Variants in CFAP46 observed in about 807,000 individuals in gnomAD.
CFAP46 encodes the protein cilia and flagella associated protein 46.
Under a neutral mutation model 325.7 loss-of-function variants are expected in CFAP46, and 245 were observed. The ratio of observed to expected loss-of-function variants is 0.75; its 90% CI spans 0.68 to 0.84. CFAP46 has a LOEUF of 0.84. Among genes scored for constraint, CFAP46 ranks in the 40% least tolerant of loss-of-function variants. The probability of loss-of-function intolerance (pLI) is 0.00; values close to 1 mark genes in which losing one functional copy is unlikely to be tolerated. For synonymous variants in CFAP46, 1,523 were observed against 1,495.9 expected, an observed-to-expected ratio of 1.02 and a Z score of -0.42; for missense variants, 3,346 against 3,543.0, an observed-to-expected ratio of 0.94 and a Z score of 1.41.
chr10:132,808,416 A>C lies in CFAP46; in HGVS notation c.*5T>G. ...CTGGCTTTTGTTGTTTGTTTAGTGG[A>C]ACACTCAAATCAAAAACAGGCTCAC... On this transcript the variant is annotated 3_prime_UTR_variant, in exon 58 of 58. Transcript: ENST00000368586. This position sits in a 1 kb window ranked among gnomAD's most constrained non-coding sequence, Gnocchi z 6.8. 1 of 1,597,602 alleles carries C rather than the reference A, an allele frequency of 6.3e-7. No homozygotes were observed. The highest frequency in any genetic ancestry group is 1.1e-5 in the South Asian group (1 of 90,548).
intron 22 of CFAP46, 170 bp downstream of exon 22, chr10:132,908,298 G>T: frequency 1.4e-6 from 1 of 731,928 alleles, no homozygotes; most frequent in Non-Finnish European, 2.2e-6. Context: ...TGGGGACCTG[G>T]TGGGGCGCTC....
intron 55 of CFAP46, 125 bp from the exon 56 acceptor site, chr10:132,811,156 C>G: frequency 1.3e-6 from 1 of 798,154 alleles, no homozygotes; most frequent in Non-Finnish European, 2.0e-6. Flanking sequence ...CACTCAGCTC[C>G]GGGCTCCGAC....
At chr10:132,855,243 C>T (rs1848623740) in intron 39 of CFAP46, among the ~76,000 whole-genome samples, 1 of 152,172 alleles carries the variant, frequency 6.6e-6, no homozygotes, top group African/African-American at 2.4e-5. Context: ...TTTATAGCCT[C>T]TTGACTGGTT....
chr10:132,879,764 G>C, intron 28 of CFAP46, 133 bp from the exon 29 acceptor site: 1 of 911,018 alleles, frequency 1.1e-6, no homozygotes, highest in Non-Finnish European at 1.6e-6. Context: ...CCACTCTGCT[G>C]AGGGCCGGCA....
rs1011335037 is a variant in CFAP46 at position 132,857,714 on chromosome 10, C to A, written c.5450G>T (p.Gly1817Val). 1.2e-6 allele frequency: 2 copies of A among 1,612,400 alleles called. No individual in the cohort carries two copies. Among genetic ancestry groups the A allele is most frequent in the Non-Finnish European group, 8.5e-7 (1 of 1,179,372 alleles). ...YYLEAYGLAQ[G>V]AVAEEEGRLH... ...CCTCCCTTCTTCCTCAGCTACGGCA[C>A]CCTGGGCCAGGCCATACGCTTCCAA... The change falls in exon 39 of 58, where the codon GGT (glycine) becomes GTT (valine). Residue 1817 changes from glycine (G) to valine (V), a missense_variant. By Grantham distance (109) the Gly-to-Val change is moderately radical. Transcript: ENST00000368586.
chr10:132,810,498 G>A lies in CFAP46; in HGVS notation c.7584-9C>T, dbSNP rs1565030101. The A allele has an allele frequency of 1.2e-5, 19 of 1,612,100 alleles. No individual in the cohort carries two copies. Among genetic ancestry groups the A allele is most frequent in the Non-Finnish European group, 1.4e-5 (16 of 1,178,774 alleles). On this transcript the variant is annotated splice_polypyrimidine_tract_variant and intron_variant, in intron 56 of 57. Transcript: ENST00000368586. ...CCCAACGGCCAACAGATCTAGGGGA[G>A]AAACGTCCCCTCAGGAGGGCATGGA...
At chr10:132,890,177 G>C (rs1405624720) in intron 25 of CFAP46, among the ~76,000 whole-genome samples, 4 of 151,720 alleles carry the variant, frequency 2.6e-5, no homozygotes, top group Non-Finnish European at 5.9e-5. Context: ...CCTCTGCCCG[G>C]GTCACATTCT....
intron 22 of CFAP46, among the ~76,000 whole-genome samples, chr10:132,903,933 A>T (rs1441055651): frequency 6.6e-6 from 1 of 152,206 alleles, no homozygotes; most frequent in Non-Finnish European, 1.5e-5. Flanking sequence ...ATTCCTTGAC[A>T]CTAATAGCAT....
At chr10:132,812,763 G>A in intron 55 of CFAP46, 22 bp downstream of exon 55, 2 of 1,551,928 alleles carry the variant, frequency 1.3e-6, no homozygotes, top group Non-Finnish European at 1.8e-6. Context: ...GGGGGAGGGG[G>A]TGCTGAGAGG....
intron 31 of CFAP46, among the ~76,000 whole-genome samples, chr10:132,875,683 G>C (rs115958182): frequency 0.014 from 2,114 of 152,254 alleles, 53 homozygotes; most frequent in African/African-American, 0.048. Flanking sequence ...CCATGCTTGA[G>C]GCTTGACCCC....
chr10:132,887,495 G>C (rs1257526074), intron 25 of CFAP46, among the ~76,000 whole-genome samples: 7 of 50,274 alleles, frequency 1.4e-4, no homozygotes, highest in Non-Finnish European at 1.1e-4. Flanking sequence ...CTCCCCTCTC[G>C]CCTATTTCCT....
chr10:132,942,343 T>C, intron 1 of CFAP46, 93 bp downstream of exon 1: 1 of 953,052 alleles, frequency 1.0e-6, no homozygotes, highest in South Asian at 2.0e-5. Flanking sequence ...TTGGGCGGGC[T>C]GGGATGAGAG....
At position 132,859,266 on chromosome 10, in the gene CFAP46, G is replaced by A. The variant is rs1564781628; in HGVS notation, c.5199-19C>T. On this transcript the variant is annotated intron_variant, in intron 37 of 57. Coordinates refer to ENST00000368586, the MANE Select transcript of CFAP46 (RefSeq NM_001200049.3). ...CAGGCACCTGACGGAGGGACGGTTTGGGGCCTGGAGTCAGAAGCCCCAGGG... is the reference window on the plus strand; with the variant it reads ...CAGGCACCTGACGGAGGGACGGTTTAGGGCCTGGAGTCAGAAGCCCCAGGG... 4 of 1,540,588 alleles carry A rather than the reference G, an allele frequency of 2.6e-6. No individual in the cohort carries two copies. Among genetic ancestry groups the A allele is most frequent in the Non-Finnish European group, 3.5e-6 (4 of 1,143,830 alleles).
At chr10:132,911,883 G>A (rs1849545417) in intron 19 of CFAP46, among the ~76,000 whole-genome samples, 1 of 152,040 alleles carries the variant, frequency 6.6e-6, no homozygotes, top group Non-Finnish European at 1.5e-5. Flanking sequence ...CTGAGGGGAG[G>A]CCTCACACCC....
In CFAP46 at chr10:132,941,021, T is replaced by C. The variant is rs375619306; in HGVS notation, c.346A>G (p.Ile116Val). 3.1e-6 allele frequency: 5 copies of C among 1,614,104 alleles called. No individual in the cohort carries two copies. Among genetic ancestry groups the C allele is most frequent in the South Asian group, 2.2e-5 (2 of 91,088 alleles). The change falls in exon 4 of 58, where the codon ATA (isoleucine) becomes GTA (valine). Residue 116 changes from isoleucine (I) to valine (V), a missense_variant. Ile to Val is a conservative substitution (Grantham distance 29). Coordinates refer to ENST00000368586, the MANE Select transcript of CFAP46 (RefSeq NM_001200049.3). ...ENCVTEYMKA[I>V]NFAKGEPRYY... ...CTCGGTTCTCCTTTGGCAAAGTTTA[T>C]GGCCTTCATGTACTCAGTCACGCAA...
intron 47 of CFAP46, 44 bp downstream of exon 47, chr10:132,835,260 G>GC: frequency 6.2e-7 from 1 of 1,601,994 alleles, no homozygotes; most frequent in Admixed American, 1.7e-5. Context: ...GGGGTGGGGA[G>GC]CAGAGGGTCC....
intron 41 of CFAP46, among the ~76,000 whole-genome samples, chr10:132,849,471 C>G (rs73391267): frequency 1.3e-5 from 2 of 152,232 alleles, no homozygotes; most frequent in African/African-American, 2.4e-5. Context: ...TGTGTGGGGA[C>G]GAGCCCAGCT....
rs1591026213 is a variant in CFAP46, at chr10:132,810,441, T to C, written c.7632A>G (p.Ser2544=). ...EANWRNSASP[S]EDEWRRGGEP... is the part of the protein sequence containing the mutation. Reference sequence around the variant, plus strand: ...CACCGCCTCGTCGCCACTCATCTTCTGAAGGAGACGCACTGTTTCTCCAAT... The same window carrying C: ...CACCGCCTCGTCGCCACTCATCTTCCGAAGGAGACGCACTGTTTCTCCAAT... Residue 2544 remains serine, a synonymous_variant, in exon 57 of 58, where the codon TCA becomes TCG. Coordinates refer to ENST00000368586, the MANE Select transcript of CFAP46 (RefSeq NM_001200049.3). 1 of 1,613,598 alleles carries C rather than the reference T, an allele frequency of 6.2e-7. No individual in the cohort carries two copies. The highest frequency in any genetic ancestry group is 8.5e-7 in the Non-Finnish European group (1 of 1,179,982).
At chr10:132,892,088 A>G (rs1191202368) in intron 25 of CFAP46, among the ~76,000 whole-genome samples, 1 of 152,210 alleles carries the variant, frequency 6.6e-6, no homozygotes, top group African/African-American at 2.4e-5. Context: ...GACTGTTTTC[A>G]TGGACAGTCA....
Sources: gnomAD v4.1 joint callset for allele counts (sites outside exome capture counted in the v4.1 genomes callset) on GRCh38, gnomAD v4.1.1 for gene constraint, Gnocchi (gnomAD v3.1) non-coding constraint, MANE v1.5 for transcripts, NCBI Gene and HGNC (gene_info 2026-07-23, HGNC 2026-07-21) for gene names.